SPTBN5: variants seen among roughly 807,000 people sequenced by gnomAD.
SPTBN5 encodes the protein spectrin beta chain, non-erythrocytic 5.
In SPTBN5, 513 loss-of-function variants were observed where a neutral mutation model predicts 477.6. The observed-to-expected ratio is 1.07, with a 90% CI of 1.00 to 1.16. SPTBN5 has a LOEUF of 1.16. Ranked by LOEUF, SPTBN5 falls within the 50% of genes most tolerant of loss-of-function variation. The pLI, the probability that SPTBN5 is intolerant of heterozygous loss-of-function variation, is 0.00. For missense variants in SPTBN5, 5,062 were observed against 4,731.8 expected, an observed-to-expected ratio of 1.07 and a Z score of -2.05; for synonymous variants, 2,169 against 2,011.7, an observed-to-expected ratio of 1.08 and a Z score of -2.09.
Position 41,851,280 on chromosome 15 carries a change from T to A in SPTBN5, c.10743+3A>T, listed in dbSNP as rs2065752621. ...TCTGCATCTCCCCTACCCCGCCTGG[T>A]ACCTCCGCTGCCATCCTCTCATCCA... is the stretch of plus-strand genomic sequence containing the variant. On this transcript the variant is annotated splice_donor_region_variant and intron_variant, in intron 64 of 67. Coordinates refer to ENST00000320955, the MANE Select transcript of SPTBN5 (RefSeq NM_016642.4). 6.4e-7 allele frequency: 1 copy of A among 1,551,264 alleles called. No homozygotes were observed.
In SPTBN5 at chr15:41,887,197, C is replaced by T; in HGVS notation, c.888+16G>A. ...TCTGGAGCCCTTGCTCACCCCACCC[C>T]TCCTTTCTCCCCCACCTTAGTGAGT... On this transcript the variant is annotated intron_variant, in intron 6 of 67. Transcript: ENST00000320955. 1 of 1,550,220 alleles carries T rather than the reference C, an allele frequency of 6.5e-7. No homozygotes were observed. Among genetic ancestry groups the T allele is most frequent in the Non-Finnish European group, 8.7e-7 (1 of 1,145,858 alleles).
chr15:41,883,085 G>C lies in SPTBN5; in HGVS notation c.1803C>G (p.Ser601=), dbSNP rs1200705058. Residue 601 remains serine (S), a synonymous_variant, in exon 9 of 68, where the codon TCC becomes TCG. Transcript: ENST00000320955. ...GCACCTCCACACTGGTGCCCAGGGA[G>C]GAGTCCAGCTCTGCTGTCTGCTGAG... The part of the protein sequence containing the change: ...HLAQQTAELD[S]SLGTSVEVLQ... 1 of 1,601,412 alleles carries C rather than the reference G, an allele frequency of 6.2e-7. No individual in the cohort carries two copies.
Position 41,853,051 on chromosome 15 carries a change from T to C in SPTBN5, c.10171-51A>G, listed in dbSNP as rs376451398. ...GACAGCTTGGGTAGGGCTCCCACCA[T>C]GGGCAGGGCAGGGCTGGAGAGCCAA... is the stretch of plus-strand genomic sequence containing the variant. On this transcript the variant is annotated intron_variant, in intron 59 of 67. Coordinates refer to ENST00000320955, the MANE Select transcript of SPTBN5 (RefSeq NM_016642.4). The C allele has an allele frequency of 7.3e-3, 10,698 of 1,466,292 alleles. 52 individuals carry two copies. Among genetic ancestry groups the C allele is most frequent in the Non-Finnish European group, 8.4e-3 (9,338 of 1,105,588 alleles). 90.8% of individuals were successfully genotyped at this position (1,466,292 alleles called of 1,614,324 possible).
At chr15:41,851,407 G>A (rs771688905) in intron 63 of SPTBN5, 38 bp from the exon 64 acceptor site, 44 of 1,467,864 alleles carry the variant, frequency 3.0e-5, no homozygotes, top group Middle Eastern at 1.8e-4. Flanking sequence ...TGAGCCACAC[G>A]CAGGAAGCCA....
rs1390725804 is a variant in SPTBN5, at chr15:41,862,833, T to C, written c.7220A>G (p.Glu2407Gly). Residue 2407 changes from glutamate (E) to glycine (G), a missense_variant, in exon 42 of 68, where the codon GAG (glutamate) becomes GGG (glycine). Transcript: ENST00000320955. ...ESVQRLLRKH[E>G]ELEREVHPIQ... is the part of the protein sequence containing the mutation. Reference sequence around the variant, plus strand: ...GGGGTGCACTTCCCGCTCCAGCTCCTCGTGTTTCCGCAGCAGCCTCTGCAC... The same window carrying C: ...GGGGTGCACTTCCCGCTCCAGCTCCCCGTGTTTCCGCAGCAGCCTCTGCAC... 1.3e-6 allele frequency: 2 copies of C among 1,588,818 alleles called. No homozygotes were observed. The highest frequency in any genetic ancestry group is 1.2e-5 in the South Asian group (1 of 86,708).
Position 41,854,037 on chromosome 15 carries a change from G to C in SPTBN5, c.9774+13C>G, listed in dbSNP as rs373210719. 5.8e-6 allele frequency: 9 copies of C among 1,552,278 alleles called. No individual in the cohort carries two copies. In the African/African-American group the frequency reaches 1.1e-4, roughly 19 times the overall value. On this transcript the variant is annotated intron_variant, in intron 57 of 67. Coordinates refer to ENST00000320955, the MANE Select transcript of SPTBN5 (RefSeq NM_016642.4). ...GGGGCTCAGACAGGCAGGCTGCAGG[G>C]CGTGGGCCTCACCTCCAGGCGCCTG... is the stretch of plus-strand genomic sequence containing the variant.
At position 41,876,665 on chromosome 15, in the gene SPTBN5, GT is replaced by G. The variant is rs769595914; in HGVS notation, c.3852-19del. On this transcript the variant is annotated intron_variant, in intron 19 of 67. Transcript: ENST00000320955. ...CTCTGACCCTGGAGGGCGGGGGGGG[GT>G]TGGAGGAGGGCATGGGAGAGGACTC... is the stretch of plus-strand genomic sequence containing the variant. The G allele has an allele frequency of 3.1e-5, 40 of 1,292,846 alleles. No individual in the cohort carries two copies. The highest frequency in any genetic ancestry group is 4.0e-5 in the Non-Finnish European group (36 of 904,836). 80.1% of individuals were successfully genotyped at this position (1,292,846 alleles called of 1,614,324 possible).
At chr15:41,867,239 C>A in intron 35 of SPTBN5, 113 bp from the exon 36 acceptor site, 1 of 1,226,418 alleles carries the variant, frequency 8.2e-7, no homozygotes, top group South Asian at 1.6e-5. Context: ...CTCAGCCCCA[C>A]ATGGCTGAGG....
rs778610820 is a variant in SPTBN5 at position 41,866,327 on chromosome 15, G to A, written c.6630+17C>T. 7.0e-6 allele frequency: 11 copies of A among 1,579,308 alleles called. No homozygotes were observed. The highest frequency in any genetic ancestry group is 9.5e-6 in the Non-Finnish European group (11 of 1,161,354). On this transcript the variant is annotated intron_variant, in intron 37 of 67. Transcript: ENST00000320955. ...CACACTTTGGGGCAGGCATGGGGCT[G>A]AGGGCCCGGTTGTTACCTTGGCAAC...
intron 27 of SPTBN5, 61 bp downstream of exon 27, chr15:41,872,241 A>T (rs2066568712): frequency 6.4e-7 from 1 of 1,552,322 alleles, no homozygotes; most frequent in African/African-American, 1.4e-5. Flanking sequence ...ATGGCATGGG[A>T]ACAGTCAGCT....
rs1421941861 is a variant in SPTBN5 at position 41,871,437 on chromosome 15, C to T, written c.5385G>A (p.Glu1795=). The part of the protein sequence containing the change: ...QRVAACRLLA[E]SLLERGHSAG... Reference sequence around the variant, plus strand: ...CACTGTGCCCACGCTCTAGCAGGCTCTCCGCCAGCAGCCGGCAGGCGGCCA... The same window carrying T: ...CACTGTGCCCACGCTCTAGCAGGCTTTCCGCCAGCAGCCGGCAGGCGGCCA... The change falls in exon 29 of 68, where the codon GAG becomes GAA. Residue 1795 remains glutamate (E), a synonymous_variant. Transcript: ENST00000320955. The T allele has an allele frequency of 2.6e-6, 4 of 1,543,782 alleles. No individual in the cohort carries two copies. The highest frequency in any genetic ancestry group is 2.8e-5 in the African/African-American group (2 of 72,724).
intron 53 of SPTBN5, 129 bp from the exon 54 acceptor site, chr15:41,855,874 C>CCA: frequency 9.9e-7 from 1 of 1,007,328 alleles, no homozygotes; most frequent in South Asian, 1.7e-5. Context: ...CAGCCTGGCC[C>CCA]CACTCCTAAG....
At chr15:41,886,445 C>G in intron 6 of SPTBN5, 79 bp from the exon 7 acceptor site, 1 of 1,456,826 alleles carries the variant, frequency 6.9e-7, no homozygotes, top group East Asian at 2.3e-5. Flanking sequence ...AGCCAGAGTT[C>G]CCCAGGTGGG....
rs1567183436 is a variant in SPTBN5 at position 41,854,128 on chromosome 15, C to CG, written c.9695dup (p.Ala3233GlyfsTer112). 2 of 1,591,458 alleles carry CG rather than the reference C, an allele frequency of 1.3e-6. No homozygotes were observed. Among genetic ancestry groups the CG allele is most frequent in the Non-Finnish European group, 1.7e-6 (2 of 1,169,580 alleles). ...CTCCGTCCTCCCCCTTCATCAGGGCCGTCTTCTCCTGCATCCTTCCCTGGA... is the reference window on the plus strand; with the variant it reads ...CTCCGTCCTCCCCCTTCATCAGGGCCGGTCTTCTCCTGCATCCTTCCCTGGA... On this transcript the variant is annotated frameshift_variant, in exon 57 of 68. Coordinates refer to ENST00000320955, the MANE Select transcript of SPTBN5 (RefSeq NM_016642.4). LOFTEE classifies it high-confidence loss of function.
intron 39 of SPTBN5, among the ~76,000 whole-genome samples, chr15:41,864,495 G>A (rs772774837): frequency 5.9e-5 from 9 of 152,178 alleles, no homozygotes; most frequent in Admixed American, 2.6e-4. Flanking sequence ...TGTATTTTTC[G>A]TAGAGATGGG....
Position 41,882,249 on chromosome 15 carries a change from C to T in SPTBN5, c.2247+20G>A. The T allele has an allele frequency of 7.1e-7, 1 of 1,399,712 alleles. No homozygotes were observed. Among genetic ancestry groups the T allele is most frequent in the Non-Finnish European group, 9.4e-7 (1 of 1,064,542 alleles). The allele number at this position is 1,399,712 out of a possible 1,614,324, so 86.7% of individuals were successfully genotyped here. ...CTCGCCGGGCCCCGCCCCCACCCCGCCTCCACCCCTCCCCACTACCTGCAG... is the reference window on the plus strand; with the variant it reads ...CTCGCCGGGCCCCGCCCCCACCCCGTCTCCACCCCTCCCCACTACCTGCAG... On this transcript the variant is annotated intron_variant, in intron 11 of 67. Transcript: ENST00000320955.
rs1317940904 is a variant in SPTBN5 at position 41,879,719 on chromosome 15, C to T, written c.2942+15G>A. The T allele has an allele frequency of 4.3e-6, 7 of 1,612,982 alleles. No individual in the cohort carries two copies. The highest frequency in any genetic ancestry group is 1.8e-4 in the Middle Eastern group (1 of 5,496). ...TCTGCCTGCCTCACCACCTGCACTCCTGCCTCATTCTCACCTCTGGCTCAG... is the reference window on the plus strand; with the variant it reads ...TCTGCCTGCCTCACCACCTGCACTCTTGCCTCATTCTCACCTCTGGCTCAG... On this transcript the variant is annotated intron_variant, in intron 15 of 67. Coordinates refer to ENST00000320955, the MANE Select transcript of SPTBN5 (RefSeq NM_016642.4).
Position 41,885,904 on chromosome 15 carries a change from G to A in SPTBN5, c.1351C>T (p.Gln451Ter). The change falls in exon 7 of 68, where the codon CAG becomes TAG. Residue 451 changes from glutamine to a stop codon, truncating the protein, a stop_gained. Transcript: ENST00000320955. LOFTEE classifies it high-confidence loss of function. ...FLKDAEQVLD[Q>*]ARAPPASLAT... ...AGGCTGGCTGGCGGGGCTCTGGCCT[G>A]GTCTAGCACCTGCTCTGCATCCTTA... 2 of 1,584,284 alleles carry A rather than the reference G, an allele frequency of 1.3e-6. No homozygotes were observed. The highest frequency in any genetic ancestry group is 1.1e-5 in the South Asian group (1 of 87,210).
chr15:41,874,740 A>G, intron 23 of SPTBN5, 102 bp downstream of exon 23: 1 of 1,191,250 alleles, frequency 8.4e-7, no homozygotes, highest in Non-Finnish European at 1.2e-6. Flanking sequence ...TCTACTCATA[A>G]GGGAGGAGGT....
Sources: allele counts gnomAD v4.1 joint callset (sites outside exome capture counted in the v4.1 genomes callset), GRCh38; gene constraint gnomAD v4.1.1; transcripts MANE v1.5; gene names NCBI Gene and HGNC (gene_info 2026-07-23, HGNC 2026-07-21).